Variants in PKD1L1 observed in about 807,000 individuals in gnomAD.
PKD1L1 encodes the protein polycystin 1 like 1, transient receptor potential channel interacting.
Under a neutral mutation model 323.4 loss-of-function variants are expected in PKD1L1, and 236 were observed. The observed-to-expected ratio is 0.73, with a 90% CI of 0.66 to 0.81. The LOEUF is 0.81. Among genes scored for constraint, PKD1L1 ranks in the 40% least tolerant of loss-of-function variants. The pLI, the probability that PKD1L1 is intolerant of heterozygous loss-of-function variation, is 0.00. For synonymous variants in PKD1L1, 1,344 were observed against 1,335.0 expected (o/e 1.01, Z -0.15); for missense variants, 3,320 against 3,508.0 (o/e 0.95, Z 1.35).
Position 47,821,066 on chromosome 7 carries a change from A to G in PKD1L1, c.6965+10T>C. 6.5e-7 allele frequency: 1 copy of G among 1,543,596 alleles called. No homozygotes were observed. The highest frequency in any genetic ancestry group is 9.0e-7 in the Non-Finnish European group (1 of 1,116,084). ...GCCCCAGATCTGGAAGAGTTACCCAAACCTCCTACCTTGTAAATTCTTTCC... is the reference window on the plus strand; with the variant it reads ...GCCCCAGATCTGGAAGAGTTACCCAGACCTCCTACCTTGTAAATTCTTTCC... On this transcript the variant is annotated intron_variant, in intron 46 of 56. Transcript: ENST00000289672.
chr7:47,955,576 C>T, the PKD1L1 span, among the ~76,000 whole-genome samples: 1 of 152,196 alleles, frequency 6.6e-6, no homozygotes, highest in Non-Finnish European at 1.5e-5. Flanking sequence ...CATATCAGTA[C>T]ACTTTTTTCT....
intron 26 of PKD1L1, among the ~76,000 whole-genome samples, chr7:47,859,644 T>C (rs1785981768): frequency 7.0e-6 from 1 of 143,322 alleles, no homozygotes; most frequent in Non-Finnish European, 1.5e-5. Context: ...TTTTTTTTTT[T>C]GAGATGGAGT....
At position 47,858,750 on chromosome 7, in the gene PKD1L1, C is replaced by T. The variant is rs1172826932; in HGVS notation, c.4285G>A (p.Val1429Ile). ...TCCTTCGAGTTTTCTTGCTCAGAGA[C>T]TTCCCAGACTCTGGATATGAGACCG... ...LIGLISRVWE[V>I]SEQENSKEEV... is the part of the protein sequence containing the mutation. Residue 1429 changes from valine (V) to isoleucine (I), a missense_variant, in exon 27 of 57, where the codon GTC (valine) becomes ATC (isoleucine). By Grantham distance (29) the Val-to-Ile change is conservative. Coordinates refer to ENST00000289672, the MANE Select transcript of PKD1L1 (RefSeq NM_138295.5). The T allele has an allele frequency of 6.2e-7, 1 of 1,614,170 alleles. No homozygotes were observed. The highest frequency in any genetic ancestry group is 8.5e-7 in the Non-Finnish European group (1 of 1,180,020).
intron 3 of PKD1L1, among the ~76,000 whole-genome samples, chr7:47,939,015 G>A (rs1352380967): frequency 6.6e-6 from 1 of 152,202 alleles, no homozygotes; most frequent in Non-Finnish European, 1.5e-5. Flanking sequence ...AAAGCCTAAG[G>A]AAGTCACTGT....
At chr7:47,865,830 C>T (rs574311305) in intron 25 of PKD1L1, among the ~76,000 whole-genome samples, 3 of 151,428 alleles carry the variant, frequency 2.0e-5, no homozygotes, top group South Asian at 2.1e-4. Flanking sequence ...CTCCTGACCT[C>T]GTGATCTGCC....
In PKD1L1 at chr7:47,857,593, G is replaced by C; in HGVS notation, c.4590+12C>G. The C allele has an allele frequency of 2.5e-6, 4 of 1,605,572 alleles. No homozygotes were observed. Among genetic ancestry groups the C allele is most frequent in the Middle Eastern group, 1.7e-4 (1 of 5,992 alleles). ...GGTCATTAGAAGTGGCAGGTCATCT[G>C]TCAGCTTGTACCTGCCCAGGAGCTT... On this transcript the variant is annotated intron_variant, in intron 28 of 56. Transcript: ENST00000289672.
intron 7 of PKD1L1, among the ~76,000 whole-genome samples, chr7:47,921,238 C>CAAAAAAAA (rs139205889): frequency 1.3e-5 from 1 of 79,592 alleles, no homozygotes; most frequent in African/African-American, 5.2e-5. Flanking sequence ...AGACAATTCT[C>CAAAAAAAA]AAAAAAAAAA....
rs576979098 is a variant in PKD1L1 at position 47,890,239 on chromosome 7, C to T, written c.2675+303G>A. On this transcript the variant is annotated intron_variant, in intron 16 of 56. Transcript: ENST00000289672. Reference sequence around the variant, plus strand: ...CAGTCCCAAGCCCCAGGAGAGTCCCCGATCTTTCAGGCAGGTGCTGTGATG... The same window carrying T: ...CAGTCCCAAGCCCCAGGAGAGTCCCTGATCTTTCAGGCAGGTGCTGTGATG... 1.0e-3 allele frequency among the ~76,000 whole-genome samples: 158 copies of T among 152,318 alleles called. 2 individuals carry two copies. The highest frequency in any genetic ancestry group is 3.6e-3 in the African/African-American group (149 of 41,574).
chr7:47,834,364 A>G lies in PKD1L1; in HGVS notation c.6149T>C (p.Ile2050Thr), dbSNP rs1785411686. 3 of 1,613,924 alleles carry G rather than the reference A, an allele frequency of 1.9e-6. No homozygotes were observed. Among genetic ancestry groups the G allele is most frequent in the African/African-American group, 1.3e-5 (1 of 74,918 alleles). ...APHGPNSWGRIPDAQEPRKQP... is the reference protein window; with the variant it reads ...APHGPNSWGRTPDAQEPRKQP... ...CTTGCGTGGCTCCTGTGCGTCTGGTATCCTTCCCCAGGAATTAGGACCTGA... is the reference window on the plus strand; with the variant it reads ...CTTGCGTGGCTCCTGTGCGTCTGGTGTCCTTCCCCAGGAATTAGGACCTGA... Residue 2050 changes from isoleucine to threonine, a missense_variant, in exon 40 of 57, where the codon ATA becomes ACA. By Grantham distance (89) the Ile-to-Thr change is moderately conservative (BLOSUM62 -1). Coordinates refer to ENST00000289672, the MANE Select transcript of PKD1L1 (RefSeq NM_138295.5).
chr7:47,885,829 G>A lies in PKD1L1; in HGVS notation c.3062C>T (p.Pro1021Leu), dbSNP rs1786670456. The change falls in exon 18 of 57, where the codon CCT becomes CTT. Residue 1021 changes from proline (P) to leucine (L), a missense_variant. By Grantham distance (98) the Pro-to-Leu change is moderately conservative. Coordinates refer to ENST00000289672, the MANE Select transcript of PKD1L1 (RefSeq NM_138295.5). ...CCCCAGGACTGCAGAGTCCCCCGCA[G>A]GAGGAATCCAGTAGACTCCAGTCAT... Reference protein sequence around the residue: ...EPMTGVYWIPPAGDSAVLGEA... With the variant: ...EPMTGVYWIPLAGDSAVLGEA... 1.5e-5 allele frequency: 24 copies of A among 1,614,100 alleles called. No homozygotes were observed. The highest frequency in any genetic ancestry group is 1.9e-5 in the Non-Finnish European group (23 of 1,180,040).
intron 8 of PKD1L1, among the ~76,000 whole-genome samples, chr7:47,909,965 G>C (rs1174035523): frequency 6.6e-6 from 1 of 152,150 alleles, no homozygotes; most frequent in African/African-American, 2.4e-5. Context: ...TTAACATGTA[G>C]AAGAAATAGG....
At chr7:47,831,377 A>G (rs1179086400) in intron 41 of PKD1L1, 25 bp from the exon 42 acceptor site, 1 of 1,594,686 alleles carries the variant, frequency 6.3e-7, no homozygotes, top group African/African-American at 1.3e-5. Flanking sequence ...GACAGAGACA[A>G]GGCAGCTTAA....
At chr7:47,858,408 T>A (rs1785950497) in intron 27 of PKD1L1, among the ~76,000 whole-genome samples, 1 of 151,710 alleles carries the variant, frequency 6.6e-6, no homozygotes, top group South Asian at 2.1e-4. Flanking sequence ...GAGTCAAACA[T>A]CCCAAATATC....
chr7:47,880,796 T>C lies in PKD1L1; in HGVS notation c.3452A>G (p.Glu1151Gly). The change falls in exon 21 of 57, where the codon GAA becomes GGA. Residue 1151 changes from glutamate to glycine, a missense_variant. Coordinates refer to ENST00000289672, the MANE Select transcript of PKD1L1 (RefSeq NM_138295.5). ...GTATGGCTTGATTGTCACTGTCTGT[T>C]CTGTAATACCTGCAGAAAAGACATG... ...FQGYSSSGIT[E>G]QTVTIKPYSL... The C allele has an allele frequency of 6.2e-7, 1 of 1,604,300 alleles. No homozygotes were observed. The highest frequency in any genetic ancestry group is 8.5e-7 in the Non-Finnish European group (1 of 1,174,168).
upstream of PKD1L1, among the ~76,000 whole-genome samples, chr7:47,950,702 CTT>C (rs1171745780): frequency 3.4e-5 from 5 of 146,478 alleles, no homozygotes; most frequent in East Asian, 2.0e-4. Context: ...GAGCGAAACT[CTT>C]GTCTCAAAAA....
chr7:47,853,629 AC>A lies in PKD1L1; in HGVS notation c.4860-403del, dbSNP rs534289377. Among the ~76,000 whole-genome samples, 174 of 151,980 alleles carry A rather than the reference AC, an allele frequency of 1.1e-3. 2 individuals are homozygous for A. Among genetic ancestry groups the A allele is most frequent in the Admixed American group, 0.011 (164 of 15,246 alleles). ...GTGGTGATGCGCACTTGTAATCCCAACTACTCGGGAGGCTGAGGCAGGAGAA... is the reference window on the plus strand; with the variant it reads ...GTGGTGATGCGCACTTGTAATCCCAATACTCGGGAGGCTGAGGCAGGAGAA... On this transcript the variant is annotated intron_variant, in intron 30 of 56. Transcript: ENST00000289672.
Position 47,828,793 on chromosome 7 carries a change from G to T in PKD1L1, c.6735+632C>A, listed in dbSNP as rs570211792. ...AGGATCCTTTGCGAGGAGGAGGGTG[G>T]AGATGAGGAGAGGCCCAGACCGGGG... On this transcript the variant is annotated intron_variant, in intron 44 of 56. Coordinates refer to ENST00000289672, the MANE Select transcript of PKD1L1 (RefSeq NM_138295.5). 3.9e-5 allele frequency among the ~76,000 whole-genome samples: 6 copies of T among 152,298 alleles called. No individual in the cohort carries two copies. The South Asian group carries it at 6.2e-4, about 16-fold the overall frequency.
rs12113549 is a variant in PKD1L1 at position 47,875,945 on chromosome 7, T to G, written c.3784+152A>C. ...GATATTACTAATGTTCTTTCTGCAC[T>G]AAAAGGTAGATAATAAACCTAAACT... On this transcript the variant is annotated intron_variant, in intron 23 of 56. Transcript: ENST00000289672. 0.16 allele frequency: 112,064 copies of G among 681,708 alleles called. 10,574 individuals carry two copies. Among genetic ancestry groups the G allele is most frequent in the African/African-American group, 0.26 (14,232 of 54,262 alleles). The allele number at this position is 681,708 out of a possible 1,614,324, so 42.2% of individuals were successfully genotyped here.
chr7:47,936,122 A>G (rs2128757025), intron 4 of PKD1L1, among the ~76,000 whole-genome samples: 1 of 152,370 alleles, frequency 6.6e-6, no homozygotes, highest in Middle Eastern at 3.4e-3. Flanking sequence ...AATTATGTCT[A>G]CTTTAAATTT....
Sources: gnomAD v4.1 joint callset for allele counts (sites outside exome capture counted in the v4.1 genomes callset) on GRCh38, gnomAD v4.1.1 for gene constraint, MANE v1.5 for transcripts, NCBI Gene and HGNC (gene_info 2026-07-23, HGNC 2026-07-21) for gene names.